The following RGS7 variants were observed in gnomAD, a reference collection of about 807,000 sequenced individuals.
RGS7 encodes the protein regulator of G-protein signaling 7.
In RGS7, 27 loss-of-function variants were observed where a neutral mutation model predicts 81.1. That is an observed-to-expected ratio of 0.33 (90% CI 0.25 to 0.46). The LOEUF is 0.46. Among genes scored for constraint, RGS7 ranks in the 20% least tolerant of loss-of-function variants. The probability of loss-of-function intolerance (pLI) is 1.00; values close to 1 mark genes in which losing one functional copy is unlikely to be tolerated. For synonymous variants in RGS7, 208 were observed against 207.7 expected, an observed-to-expected ratio of 1.00 and a Z score of -0.01; for missense variants, 396 against 607.4, an observed-to-expected ratio of 0.65 and a Z score of 3.66.
chr1:241,027,855 A>G (rs1433439436), intron 3 of RGS7, among the ~76,000 whole-genome samples: 1 of 152,222 alleles, frequency 6.6e-6, no homozygotes, highest in Non-Finnish European at 1.5e-5. Context: ...GTGTAGGAGA[A>G]TATAGAAATA....
At chr1:241,273,178 C>CA (rs1553305850) in intron 2 of RGS7, among the ~76,000 whole-genome samples, 1 of 110,424 alleles carries the variant, frequency 9.1e-6, no homozygotes, top group Admixed American at 9.2e-5. Context: ...ATAATGAACC[C>CA]CCCCCCCCAA....
chr1:240,921,137 G>C (rs1330572275), intron 6 of RGS7, among the ~76,000 whole-genome samples: 1 of 151,972 alleles, frequency 6.6e-6, no homozygotes, highest in African/African-American at 2.4e-5. Flanking sequence ...AGTTACTGTT[G>C]TGACCTGAAG....
At chr1:241,139,533 T>C (rs1340060200) in intron 2 of RGS7, among the ~76,000 whole-genome samples, 2 of 152,214 alleles carry the variant, frequency 1.3e-5, no homozygotes, top group African/African-American at 4.8e-5. Flanking sequence ...AGTGGAATCA[T>C]TGGATCAAAT....
chr1:241,251,676 A>C (rs2076835324), intron 2 of RGS7, among the ~76,000 whole-genome samples: 1 of 151,750 alleles, frequency 6.6e-6, no homozygotes, highest in South Asian at 2.1e-4. Flanking sequence ...CGCCCAGCTA[A>C]TTTTTGTACT....
At chr1:241,257,428 C>T (rs1256867046) in intron 2 of RGS7, among the ~76,000 whole-genome samples, 2 of 152,058 alleles carry the variant, frequency 1.3e-5, no homozygotes, top group Non-Finnish European at 2.9e-5. Flanking sequence ...ACATTTAAAC[C>T]ATAGAAATCA....
At chr1:241,256,079 A>G (rs1051402830) in intron 2 of RGS7, among the ~76,000 whole-genome samples, 24 of 152,344 alleles carry the variant, frequency 1.6e-4, no homozygotes, top group African/African-American at 5.8e-4. Context: ...TTAAGATACC[A>G]GTTAACTAAT....
intron 3 of RGS7, among the ~76,000 whole-genome samples, chr1:240,993,717 G>T (rs1271988148): frequency 2.0e-5 from 3 of 151,738 alleles, no homozygotes; most frequent in Admixed American, 2.0e-4. Context: ...TTTGGATGAG[G>T]TCCAATTTAT....
rs948262660 is a variant in RGS7, at chr1:241,144,802, G to A, written c.79-46040C>T. 6.6e-6 allele frequency among the ~76,000 whole-genome samples: 1 copy of A among 152,150 alleles called. No homozygotes were observed. The highest frequency in any genetic ancestry group is 2.4e-5 in the African/African-American group (1 of 41,434). Reference sequence around the variant, plus strand: ...GCAAAGGAACCCTGGAACTCGTTGAGGTTGCAGGAACATACAGAAGATCAT... The same window carrying A: ...GCAAAGGAACCCTGGAACTCGTTGAAGTTGCAGGAACATACAGAAGATCAT... On this transcript the variant is annotated intron_variant, in intron 2 of 18. Coordinates refer to ENST00000440928, the MANE Select transcript of RGS7 (RefSeq NM_001364886.1). The surrounding 1 kb of genome is among the most constrained non-coding windows in gnomAD (Gnocchi z 4.7).
intron 2 of RGS7, among the ~76,000 whole-genome samples, chr1:241,127,599 G>A (rs1242405041): frequency 7.2e-5 from 11 of 152,084 alleles, no homozygotes; most frequent in Non-Finnish European, 1.3e-4. Flanking sequence ...GCTAAATGAC[G>A]AGTTAATGGG....
rs60732630 is a variant in RGS7, at chr1:240,977,091, TACACACACACACAC to T, written c.226+5974_226+5987del. ...CATCTATCATCTATCTATCCATCTG[TACACACACACACAC>T]ACACACACACACACACACACACACA... is the stretch of plus-strand genomic sequence containing the variant. On this transcript the variant is annotated intron_variant, in intron 4 of 18. Coordinates refer to ENST00000440928, the MANE Select transcript of RGS7 (RefSeq NM_001364886.1). Among the ~76,000 whole-genome samples the T allele has an allele frequency of 1.4e-3, 181 of 133,814 alleles. 1 individual carries two copies. The highest frequency in any genetic ancestry group is 4.1e-3 in the African/African-American group (143 of 34,986). 87.8% of individuals were successfully genotyped at this position (133,814 alleles called of 152,430 possible). A position where few individuals can be genotyped will look rare whatever the true frequency, so the allele number is the denominator to read the frequency against.
chr1:240,801,328 T>C, intron 17 of RGS7, 127 bp downstream of exon 17: 3 of 698,454 alleles, frequency 4.3e-6, no homozygotes, highest in Non-Finnish European at 5.1e-6. Context: ...AGTTCTGAAT[T>C]TGAATAAAAG....
chr1:241,221,102 AGGAAGGAAG>A (rs1403593348), intron 2 of RGS7, among the ~76,000 whole-genome samples: 5 of 150,274 alleles, frequency 3.3e-5, no homozygotes, highest in Admixed American at 2.0e-4. Context: ...AAAGGAAGGA[AGGAAGGAAG>A]GAAGGGAGGG....
intron 2 of RGS7, among the ~76,000 whole-genome samples, chr1:241,141,749 G>A (rs1478415251): frequency 6.6e-6 from 1 of 152,122 alleles, no homozygotes; most frequent in Non-Finnish European, 1.5e-5. Flanking sequence ...TTTGGGTGGG[G>A]ATACAGACAA....
intron 4 of RGS7, among the ~76,000 whole-genome samples, chr1:240,947,742 T>A (rs1221107678): frequency 6.6e-6 from 1 of 152,180 alleles, no homozygotes; most frequent in African/African-American, 2.4e-5. Context: ...ATATATTAGA[T>A]CAAGTCGCTC....
At chr1:240,799,907 T>A (rs894272417) in intron 18 of RGS7, among the ~76,000 whole-genome samples, 2 of 152,190 alleles carry the variant, frequency 1.3e-5, no homozygotes, top group African/African-American at 4.8e-5. Context: ...TGTGACCATA[T>A]GGTACTATTT....
chr1:241,016,974 G>C (rs1263958534), intron 3 of RGS7, among the ~76,000 whole-genome samples: 1 of 151,706 alleles, frequency 6.6e-6, no homozygotes, highest in Non-Finnish European at 1.5e-5. Context: ...TCCTCTTTTG[G>C]TGTATAATTT....
At chr1:240,846,395 C>G (rs1659091728) in intron 9 of RGS7, among the ~76,000 whole-genome samples, 1 of 152,102 alleles carries the variant, frequency 6.6e-6, no homozygotes, top group South Asian at 2.1e-4. Flanking sequence ...TGCGCCACAG[C>G]TGTGAGGAGT....
intron 2 of RGS7, among the ~76,000 whole-genome samples, chr1:241,167,667 C>T (rs1442841656): frequency 6.6e-6 from 1 of 152,036 alleles, no homozygotes; most frequent in African/African-American, 2.4e-5. Context: ...TACAGGTGCA[C>T]ACCACCACGC....
At chr1:241,126,541 C>A (rs1420461685) in intron 2 of RGS7, among the ~76,000 whole-genome samples, 1 of 152,238 alleles carries the variant, frequency 6.6e-6, no homozygotes, top group African/African-American at 2.4e-5. Context: ...AGCTCTGCTA[C>A]TCTCTAGTTA....
Sources: allele counts gnomAD v4.1 joint callset (sites outside exome capture counted in the v4.1 genomes callset), GRCh38; gene constraint gnomAD v4.1.1; non-coding constraint Gnocchi (gnomAD v3.1); transcripts MANE v1.5; gene names NCBI Gene and HGNC (gene_info 2026-07-23, HGNC 2026-07-21).